NAV3: variants seen among roughly 807,000 people sequenced by gnomAD.
NAV3 encodes the protein neuron navigator 3.
NAV3 carries 87 observed loss-of-function variants against 244.7 expected under a neutral mutation model. That is an observed-to-expected ratio of 0.36 (90% CI 0.30 to 0.42). The LOEUF is 0.42. Ranked by LOEUF, NAV3 falls within the 20% of genes least tolerant of loss-of-function variation. The probability of loss-of-function intolerance (pLI) is 1.00; values close to 1 mark genes in which losing one functional copy is unlikely to be tolerated. For synonymous variants in NAV3, 1,126 were observed against 1,042.2 expected (o/e 1.08, Z -1.55); for missense variants, 2,663 against 2,893.3 (o/e 0.92, Z 1.83).
At chr12:78,116,078 A>T (rs1955362807) in intron 12 of NAV3, among the ~76,000 whole-genome samples, 1 of 152,202 alleles carries the variant, frequency 6.6e-6, no homozygotes, top group Admixed American at 6.5e-5. Flanking sequence ...TCTTTGAAGG[A>T]TGTTGAGCAA....
At chr12:77,994,098 A>AT (rs1203527278) in intron 5 of NAV3, among the ~76,000 whole-genome samples, 1 of 152,248 alleles carries the variant, frequency 6.6e-6, no homozygotes, top group African/African-American at 2.4e-5. Context: ...TTGAACAAAG[A>AT]TTTTGATTTA....
chr12:77,780,661 G>A (rs1342020930), intron 2 of NAV3, among the ~76,000 whole-genome samples: 2 of 152,148 alleles, frequency 1.3e-5, no homozygotes, highest in African/African-American at 4.8e-5. Flanking sequence ...CAGGGACTGT[G>A]ATAGGGGCCT....
chr12:77,772,663 G>A (rs1438405522), intron 2 of NAV3, among the ~76,000 whole-genome samples: 2 of 152,088 alleles, frequency 1.3e-5, no homozygotes, highest in Admixed American at 1.3e-4. Flanking sequence ...TCCTTGGTTG[G>A]TTTGAGAGGT....
At chr12:77,798,426 G>T (rs1871537652) in intron 2 of NAV3, among the ~76,000 whole-genome samples, 1 of 151,940 alleles carries the variant, frequency 6.6e-6, no homozygotes, top group African/African-American at 2.4e-5. Context: ...TTACTGGAAT[G>T]CAAAAATATA....
intron 23 of NAV3, among the ~76,000 whole-genome samples, chr12:78,162,238 A>C (rs1321589318): frequency 6.6e-6 from 1 of 152,122 alleles, no homozygotes; most frequent in Non-Finnish European, 1.5e-5. Flanking sequence ...CTGGTGATTC[A>C]ACAATCCTGA....
chr12:77,785,254 G>A (rs1416651524), intron 2 of NAV3, among the ~76,000 whole-genome samples: 2 of 152,174 alleles, frequency 1.3e-5, no homozygotes, highest in East Asian at 3.9e-4. Context: ...AAGACTCTCA[G>A]AGAGCCTCTG....
intron 2 of NAV3, among the ~76,000 whole-genome samples, chr12:77,806,204 C>T (rs1038678988): frequency 6.6e-6 from 1 of 152,120 alleles, no homozygotes; most frequent in Non-Finnish European, 1.5e-5. Context: ...TTGCCTTCTG[C>T]TAGCTTTTGA....
intron 2 of NAV3, among the ~76,000 whole-genome samples, chr12:77,807,497 A>G (rs1872043588): frequency 6.6e-6 from 1 of 152,232 alleles, no homozygotes; most frequent in South Asian, 2.1e-4. Context: ...AATATTGAAT[A>G]TTGATCCCTA....
At chr12:77,734,462 C>T (rs1877254869) in intron 2 of NAV3, among the ~76,000 whole-genome samples, 2 of 151,974 alleles carry the variant, frequency 1.3e-5, no homozygotes, top group South Asian at 4.1e-4. Context: ...ATGATTAATA[C>T]CCGGTCTAGA....
intron 1 of NAV3, among the ~76,000 whole-genome samples, chr12:77,874,932 A>G (rs941937392): frequency 6.6e-6 from 1 of 152,102 alleles, no homozygotes; most frequent in Non-Finnish European, 1.5e-5. Context: ...AGAAGTATAC[A>G]TTAGAGGAAA....
At chr12:78,082,585 C>A (rs1331966033) in intron 12 of NAV3, among the ~76,000 whole-genome samples, 1 of 152,016 alleles carries the variant, frequency 6.6e-6, no homozygotes, top group Non-Finnish European at 1.5e-5. Flanking sequence ...GATATAGCCC[C>A]CCCCACCATT....
intron 20 of NAV3, chr12:78,143,400 G>A (rs1055955225): frequency 6.5e-5 from 29 of 447,094 alleles, no homozygotes; most frequent in African/African-American, 5.9e-4. Context: ...GGAGGCTGAG[G>A]CGGGTGGATC....
intron 1 of NAV3, among the ~76,000 whole-genome samples, chr12:77,879,609 A>G (rs1478428241): frequency 7.6e-6 from 1 of 131,498 alleles, no homozygotes; most frequent in Non-Finnish European, 1.6e-5. Flanking sequence ...TGGGGCGGGG[A>G]GGTGGAGGTT....
intron 12 of NAV3, among the ~76,000 whole-genome samples, chr12:78,102,514 C>A (rs1954586174): frequency 6.6e-6 from 1 of 152,192 alleles, no homozygotes; most frequent in African/African-American, 2.4e-5. Flanking sequence ...ATCTACCATT[C>A]TGGGGTTTGG....
At chr12:77,890,142 A>G (rs916844629) in intron 1 of NAV3, among the ~76,000 whole-genome samples, 6 of 152,208 alleles carry the variant, frequency 3.9e-5, no homozygotes, top group African/African-American at 1.4e-4. Context: ...TTCAAATTGA[A>G]TCAAGTCTCA....
chr12:77,860,664 C>CT (rs1405879007), intron 1 of NAV3, among the ~76,000 whole-genome samples: 2 of 151,704 alleles, frequency 1.3e-5, no homozygotes, highest in Non-Finnish European at 3.0e-5. Flanking sequence ...ATAATATTTC[C>CT]TTTTTGTTTA....
intron 7 of NAV3, among the ~76,000 whole-genome samples, 164 bp from the exon 8 acceptor site, chr12:78,006,255 T>C (rs1328933876): frequency 1.3e-5 from 2 of 151,034 alleles, no homozygotes; most frequent in Non-Finnish European, 3.0e-5. Flanking sequence ...TTTTGAAATA[T>C]GGTAAAAAAA....
In NAV3 at chr12:78,007,356, G is replaced by A. The variant is rs1449081433; in HGVS notation, c.1818G>A (p.Gly606=). The change falls in exon 8 of 40, where the codon GGG becomes GGA. Residue 606 remains glycine, a synonymous_variant. Coordinates refer to ENST00000397909, the MANE Select transcript of NAV3 (RefSeq NM_001024383.2). ...CCATGACAGTGGCACAAAGCAGTGG[G>A]CAGAGCACAGGAAATGGTGCTGTCC... is the stretch of plus-strand genomic sequence containing the variant. The part of the protein sequence containing the change: ...SCTMTVAQSS[G]QSTGNGAVQL... 2 of 1,614,190 alleles carry A rather than the reference G, an allele frequency of 1.2e-6. No homozygotes were observed. The highest frequency in any genetic ancestry group is 3.3e-5 in the Admixed American group (2 of 60,024).
At chr12:78,176,527 C>A in intron 26 of NAV3, 68 bp downstream of exon 26, 2 of 1,496,880 alleles carry the variant, frequency 1.3e-6, no homozygotes, top group Non-Finnish European at 1.9e-6. Context: ...TGAATGCTAT[C>A]CATTTTGGCA....
Sources: gnomAD v4.1 joint callset for allele counts (sites outside exome capture counted in the v4.1 genomes callset) on GRCh38, gnomAD v4.1.1 for gene constraint, MANE v1.5 for transcripts, NCBI Gene and HGNC (gene_info 2026-07-23, HGNC 2026-07-21) for gene names.